Variants in DOCK3 observed in about 807,000 individuals in gnomAD.
DOCK3 encodes the protein dedicator of cytokinesis protein 3.
In DOCK3, 60 loss-of-function variants were observed where a neutral mutation model predicts 265.6. The observed-to-expected ratio is 0.23, with a 90% confidence interval of 0.18 to 0.28. The LOEUF is 0.28. DOCK3 is among the 10% of genes least tolerant of loss of function. DOCK3 has a pLI of 1.00. For synonymous variants in DOCK3, 881 were observed against 938.0 expected, an observed-to-expected ratio of 0.94 and a Z score of 1.11; for missense variants, 1,981 against 2,594.3, an observed-to-expected ratio of 0.76 and a Z score of 5.14.
chr3:51,248,443 C>T (rs1049132061), intron 22 of DOCK3, among the ~76,000 whole-genome samples: 1 of 152,252 alleles, frequency 6.6e-6, no homozygotes, highest in Non-Finnish European at 1.5e-5. Flanking sequence ...GATCCACCAG[C>T]CTCGGCCTCC....
At chr3:51,136,455 G>A (rs1384087284) in intron 9 of DOCK3, among the ~76,000 whole-genome samples, 1 of 151,846 alleles carries the variant, frequency 6.6e-6, no homozygotes, top group African/African-American at 2.4e-5. Flanking sequence ...AGCTAGTATG[G>A]TCTTGATCTC....
intron 5 of DOCK3, among the ~76,000 whole-genome samples, chr3:50,995,176 A>C (rs7429035): frequency 0.095 from 14,503 of 152,206 alleles, 861 homozygotes; most frequent in Non-Finnish European, 0.12. Flanking sequence ...TCAATAGAAA[A>C]ATGTTCTAGT....
intron 1 of DOCK3, among the ~76,000 whole-genome samples, chr3:50,725,440 C>A (rs1306077958): frequency 1.3e-5 from 2 of 152,098 alleles, no homozygotes; most frequent in East Asian, 1.9e-4. Context: ...AAAGGAGGGA[C>A]CTGAGGTCAC....
intron 9 of DOCK3, among the ~76,000 whole-genome samples, chr3:51,113,584 G>C (rs1218989056): frequency 1.3e-5 from 2 of 152,090 alleles, no homozygotes; most frequent in Non-Finnish European, 2.9e-5. Context: ...AAATCAGACA[G>C]ACTTCCAGTC....
In DOCK3 at chr3:51,381,218, C is replaced by G; in HGVS notation, c.5752C>G (p.Pro1918Ala). The G allele has an allele frequency of 2.5e-6, 4 of 1,613,926 alleles. No individual in the cohort carries two copies. Among genetic ancestry groups the G allele is most frequent in the Non-Finnish European group, 2.5e-6 (3 of 1,179,876 alleles). The change falls in exon 53 of 53, where the codon CCA becomes GCA. Residue 1918 changes from proline (P) to alanine (A), a missense_variant. By Grantham distance (27) the Pro-to-Ala change is conservative. Coordinates refer to ENST00000266037, the MANE Select transcript of DOCK3 (RefSeq NM_004947.5). The surrounding 1 kb of genome is among the most constrained non-coding windows in gnomAD (Gnocchi z 5.6). Reference sequence around the variant, plus strand: ...TCGCACTGACACCATGGACTCCATGCCAAGTCAGGCCTGGAATGCTGACGA... The same window carrying G: ...TCGCACTGACACCATGGACTCCATGGCAAGTCAGGCCTGGAATGCTGACGA... The part of the protein sequence containing the change: ...PPRTDTMDSM[P>A]SQAWNADEDL...
chr3:51,282,653 CAA>C (rs1198884358), intron 27 of DOCK3, among the ~76,000 whole-genome samples: 12 of 81,452 alleles, frequency 1.5e-4, no homozygotes, highest in Non-Finnish European at 2.3e-4. Context: ...AACTCTGTCT[CAA>C]AAAAAAAAAA....
At chr3:51,147,305 A>G (rs934705927) in intron 10 of DOCK3, among the ~76,000 whole-genome samples, 2 of 152,104 alleles carry the variant, frequency 1.3e-5, no homozygotes, top group Non-Finnish European at 2.9e-5. Flanking sequence ...TCCTCTTCCA[A>G]ATACTAATTG....
Position 50,700,508 on chromosome 3 carries a change from C to G in DOCK3, c.37+25208C>G, listed in dbSNP as rs1284500333. Among the ~76,000 whole-genome samples the G allele has an allele frequency of 3.3e-5, 5 of 152,274 alleles. No individual in the cohort carries two copies. The East Asian group carries it at 9.6e-4, about 29-fold the overall frequency. ...GAGATCCATTTTTTTTTAAAAGCTC[C>G]CACATATGGGTGAGAACATGTAATA... On this transcript the variant is annotated intron_variant, in intron 1 of 52. Coordinates refer to ENST00000266037, the MANE Select transcript of DOCK3 (RefSeq NM_004947.5).
At chr3:51,150,348 C>G (rs533826927) in intron 10 of DOCK3, among the ~76,000 whole-genome samples, 2 of 152,264 alleles carry the variant, frequency 1.3e-5, no homozygotes, top group African/African-American at 4.8e-5. Flanking sequence ...CAGTTCTGCT[C>G]TGATCTCAGT....
At chr3:50,780,639 C>T (rs1460730267) in intron 2 of DOCK3, among the ~76,000 whole-genome samples, 5 of 152,116 alleles carry the variant, frequency 3.3e-5, no homozygotes. Context: ...GTGATCAGAT[C>T]AGGGTAACTA....
intron 5 of DOCK3, among the ~76,000 whole-genome samples, chr3:50,958,181 A>T (rs1037203546): frequency 6.6e-6 from 1 of 152,110 alleles, no homozygotes; most frequent in Admixed American, 6.5e-5. Flanking sequence ...ATTTCATGTC[A>T]TTCTTCTTTT....
chr3:51,251,748 A>T (rs1287777920), intron 22 of DOCK3, among the ~76,000 whole-genome samples: 1 of 152,108 alleles, frequency 6.6e-6, no homozygotes, highest in East Asian at 1.9e-4. Context: ...TTCTTTGTAG[A>T]TTTTGGATAT....
intron 5 of DOCK3, among the ~76,000 whole-genome samples, chr3:51,053,635 A>T (rs949805436): frequency 6.6e-6 from 1 of 151,788 alleles, no homozygotes; most frequent in East Asian, 1.9e-4. Flanking sequence ...GTCAGCAAGG[A>T]TGGTCTCTAT....
intron 5 of DOCK3, among the ~76,000 whole-genome samples, chr3:51,015,818 TATATATATCATATATTTCTATATATG>T (rs1335011949): frequency 5.1e-4 from 10 of 19,782 alleles, no homozygotes; most frequent in Non-Finnish European, 6.8e-4. Flanking sequence ...CTATATATGA[TATATATATCATATATTTCTATATATG>T]ATATATATCA....
chr3:50,995,746 A>T (rs1346936979), intron 5 of DOCK3, among the ~76,000 whole-genome samples: 3 of 152,168 alleles, frequency 2.0e-5, no homozygotes, highest in African/African-American at 7.2e-5. Context: ...ATATTGAAAG[A>T]CAGTAGGGGC....
intron 7 of DOCK3, among the ~76,000 whole-genome samples, chr3:51,081,143 T>A (rs1028177206): frequency 3.9e-5 from 6 of 152,160 alleles, no homozygotes; most frequent in Admixed American, 1.3e-4. Context: ...CACATTTAAA[T>A]TAATATTTAA....
chr3:51,336,482 G>A (rs2110037638), intron 35 of DOCK3, among the ~76,000 whole-genome samples: 1 of 152,246 alleles, frequency 6.6e-6, no homozygotes, highest in Non-Finnish European at 1.5e-5. Context: ...TGCAATGAGG[G>A]CTTCCTGGTC....
At chr3:50,827,829 T>C (rs1342107519) in intron 2 of DOCK3, among the ~76,000 whole-genome samples, 1 of 152,204 alleles carries the variant, frequency 6.6e-6, no homozygotes, top group African/African-American at 2.4e-5. Flanking sequence ...TTATCCTTTC[T>C]TATTTTCCTT....
At chr3:51,324,384 A>T (rs1283510523) in intron 32 of DOCK3, among the ~76,000 whole-genome samples, 1 of 152,250 alleles carries the variant, frequency 6.6e-6, no homozygotes, top group East Asian at 1.9e-4. Context: ...GGACCCCGTC[A>T]AGGAGAACTA....
Sources: gnomAD v4.1 joint callset for allele counts (sites outside exome capture counted in the v4.1 genomes callset) on GRCh38, gnomAD v4.1.1 for gene constraint, Gnocchi (gnomAD v3.1) non-coding constraint, MANE v1.5 for transcripts, NCBI Gene and HGNC (gene_info 2026-07-23, HGNC 2026-07-21) for gene names.